Variants in SNX24 observed in about 807,000 individuals in gnomAD.
The protein encoded by SNX24 is sorting nexin-24.
SNX24 carries 22 observed loss-of-function variants against 28.7 expected under a neutral mutation model. The ratio of observed to expected loss-of-function variants is 0.77; its 90% CI spans 0.55 to 1.10. The LOEUF (loss-of-function observed/expected upper bound fraction) is 1.10, where lower values mean the gene tolerates loss of function less well. SNX24 is among the 50% of genes least tolerant of loss of function. The probability of loss-of-function intolerance (pLI) is 0.00; values close to 1 mark genes in which losing one functional copy is unlikely to be tolerated. For missense variants in SNX24, 221 were observed against 201.1 expected, an observed-to-expected ratio of 1.10 and a Z score of -0.60; for synonymous variants, 69 against 71.5, an observed-to-expected ratio of 0.96 and a Z score of 0.18.
chr5:122,847,272 G>C (rs912328791), intron 1 of SNX24, among the ~76,000 whole-genome samples: 2 of 152,134 alleles, frequency 1.3e-5, no homozygotes, highest in African/African-American at 4.8e-5. Flanking sequence ...TAGACGAGCT[G>C]TGCTTTTCTC....
intron 3 of SNX24, among the ~76,000 whole-genome samples, chr5:122,972,731 G>C (rs1014022831): frequency 6.6e-6 from 1 of 152,174 alleles, no homozygotes; most frequent in African/African-American, 2.4e-5. Context: ...CCCATATCTG[G>C]AGTAAGTGTC....
In SNX24 at chr5:123,007,846, C is replaced by T; in HGVS notation, c.*97C>T. ...TTAACCTAAACGCTATGATATATAA[C>T]AGCTCTAGCTAGTGGTAAAGTGCAC... On this transcript the variant is annotated 3_prime_UTR_variant, in exon 7 of 7. Transcript: ENST00000261369. 6.5e-7 allele frequency: 1 copy of T among 1,538,308 alleles called. No homozygotes were observed. Among genetic ancestry groups the T allele is most frequent in the Non-Finnish European group, 8.7e-7 (1 of 1,148,172 alleles).
intron 3 of SNX24, among the ~76,000 whole-genome samples, chr5:122,960,005 G>A (rs1184590006): frequency 6.6e-6 from 1 of 151,950 alleles, no homozygotes; most frequent in Admixed American, 6.6e-5. Context: ...TCCGAAGTAG[G>A]CTGCCTTCCC....
chr5:122,859,159 T>C (rs1008877393), intron 1 of SNX24, among the ~76,000 whole-genome samples: 3 of 152,212 alleles, frequency 2.0e-5, no homozygotes, highest in Admixed American at 2.0e-4. Flanking sequence ...GAATGAGACC[T>C]GCTTATCTTA....
chr5:123,003,587 T>C (rs1762321700), intron 6 of SNX24, among the ~76,000 whole-genome samples: 1 of 152,236 alleles, frequency 6.6e-6, no homozygotes, highest in Non-Finnish European at 1.5e-5. Context: ...AAATGGTTAC[T>C]GTGGACTAGA....
intron 5 of SNX24, among the ~76,000 whole-genome samples, chr5:123,017,427 TG>T (rs1221777250): frequency 3.3e-4 from 45 of 138,174 alleles, no homozygotes; most frequent in African/African-American, 1.5e-3. Context: ...AATAAAAAGT[TG>T]TTTTTTTTTT....
chr5:122,898,986 G>A (rs542993275), intron 1 of SNX24, among the ~76,000 whole-genome samples: 2 of 152,218 alleles, frequency 1.3e-5, no homozygotes, highest in Non-Finnish European at 2.9e-5. Flanking sequence ...GAGGCTTACA[G>A]TGTTTATGCA....
intron 5 of SNX24, among the ~76,000 whole-genome samples, chr5:123,026,360 C>T (rs1762853504): frequency 6.6e-6 from 1 of 152,128 alleles, no homozygotes; most frequent in Non-Finnish European, 1.5e-5. Context: ...TTTCCTGAGG[C>T]TCAAAGCTCA....
chr5:122,863,703 A>G (rs1025683111), intron 1 of SNX24, among the ~76,000 whole-genome samples: 1 of 152,018 alleles, frequency 6.6e-6, no homozygotes, highest in East Asian at 1.9e-4. Context: ...CCATGGACGC[A>G]TGCTATCACA....
Position 122,946,141 on chromosome 5 carries a change from C to A in SNX24, c.231C>A (p.Gly77=). 6.2e-7 allele frequency: 1 copy of A among 1,601,242 alleles called. No homozygotes were observed. The highest frequency in any genetic ancestry group is 8.6e-7 in the Non-Finnish European group (1 of 1,169,230). ...VPKVLEQRRQ[G]LETYLQAVIL... ...AAGTCTTGGAACAGCGACGACAAGG[C>A]TTGGAAACATACTTACAGGTAAGAT... Residue 77 remains glycine, a synonymous_variant, in exon 3 of 7, where the codon GGC becomes GGA. Transcript: ENST00000261369.
chr5:122,987,769 C>T (rs1761665992), intron 3 of SNX24, among the ~76,000 whole-genome samples: 2 of 152,052 alleles, frequency 1.3e-5, no homozygotes, highest in Non-Finnish European at 2.9e-5. Context: ...CGGGGCAACA[C>T]CATTGCACAG....
At chr5:122,930,065 A>G (rs1316023054) in intron 1 of SNX24, among the ~76,000 whole-genome samples, 1 of 152,166 alleles carries the variant, frequency 6.6e-6, no homozygotes, top group African/African-American at 2.4e-5. Context: ...AATTTTGAAC[A>G]GGTTTTCTAT....
chr5:122,976,832 T>A (rs1322583668), intron 3 of SNX24, among the ~76,000 whole-genome samples: 1 of 152,244 alleles, frequency 6.6e-6, no homozygotes, highest in African/African-American at 2.4e-5. Flanking sequence ...TTGCAATTCA[T>A]ATTTCATATG....
intron 1 of SNX24, among the ~76,000 whole-genome samples, chr5:122,904,891 C>G (rs1757584128): frequency 6.6e-6 from 1 of 152,204 alleles, no homozygotes; most frequent in Non-Finnish European, 1.5e-5. Context: ...CAGCCTGATG[C>G]TCCAGACCTG....
chr5:122,915,658 A>G (rs10065636), intron 1 of SNX24, among the ~76,000 whole-genome samples: 11,321 of 152,232 alleles, frequency 0.074, 627 homozygotes, highest in Admixed American at 0.13. Context: ...CATAGTGCAC[A>G]TCTGATCATA....
At chr5:122,920,009 C>A (rs1327306118) in intron 1 of SNX24, among the ~76,000 whole-genome samples, 2 of 152,112 alleles carry the variant, frequency 1.3e-5, no homozygotes, top group Non-Finnish European at 2.9e-5. Context: ...TTGTTTACAA[C>A]GTTTAGAGGT....
intron 1 of SNX24, among the ~76,000 whole-genome samples, chr5:122,927,792 C>T (rs1486389909): frequency 2.0e-5 from 3 of 152,116 alleles, no homozygotes; most frequent in African/African-American, 7.2e-5. Flanking sequence ...AAATTTATAT[C>T]TCTAGTTAAG....
In SNX24 at chr5:123,028,997, C is replaced by T; in HGVS notation, n.384-241C>T. 5 of 869,708 alleles carry T rather than the reference C, an allele frequency of 5.7e-6. No individual in the cohort carries two copies. In the South Asian group the frequency reaches 9.2e-5, roughly 16 times the overall value. 53.9% of individuals were successfully genotyped at this position (869,708 alleles called of 1,614,324 possible). A position where few individuals can be genotyped will look rare whatever the true frequency, so the allele number is the denominator to read the frequency against. Reference sequence around the variant, plus strand: ...CCTACAGAACTTGATTCTATCCCAGCTATGGTTTACTGAGAGAAATTTATC... The same window carrying T: ...CCTACAGAACTTGATTCTATCCCAGTTATGGTTTACTGAGAGAAATTTATC... On this transcript the variant is annotated intron_variant and non_coding_transcript_variant, in intron 5 of 5. Coordinates refer to the SNX24 transcript ENST00000502387.
At chr5:123,004,359 G>A (rs1762349667) in intron 6 of SNX24, among the ~76,000 whole-genome samples, 1 of 152,168 alleles carries the variant, frequency 6.6e-6, no homozygotes. Flanking sequence ...GAAGCCCATG[G>A]ATATTTTTCA....
Sources: allele counts gnomAD v4.1 joint callset (sites outside exome capture counted in the v4.1 genomes callset), GRCh38; gene constraint gnomAD v4.1.1; transcripts MANE v1.5; gene names NCBI Gene and HGNC (gene_info 2026-07-23, HGNC 2026-07-21).